Variants in LPIN1 observed in about 807,000 individuals in gnomAD.
The protein encoded by LPIN1 is lipin 1.
A neutral mutation model predicts 107.5 loss-of-function variants in LPIN1; 71 were observed. That is an observed-to-expected ratio of 0.66 (90% CI 0.55 to 0.80). LPIN1 has a LOEUF of 0.80. LPIN1 is among the 30% of genes least tolerant of loss of function. The pLI, the probability that LPIN1 is intolerant of heterozygous loss-of-function variation, is 0.00. For missense variants in LPIN1, 1,043 were observed against 1,160.6 expected (o/e 0.90, Z 1.47); for synonymous variants, 445 against 452.6 (o/e 0.98, Z 0.21).
chr2:11,725,080 T>A (rs1417256597), intron 1 of LPIN1, among the ~76,000 whole-genome samples: 1 of 151,924 alleles, frequency 6.6e-6, no homozygotes, highest in East Asian at 1.9e-4. Context: ...GCTAAAACAG[T>A]GAAATCCCAT....
intron 18 of LPIN1, 127 bp downstream of exon 18, chr2:11,815,367 G>GCAC (rs1467716495): frequency 8.3e-7 from 1 of 1,198,686 alleles, no homozygotes; most frequent in Non-Finnish European, 1.2e-6. Context: ...TCCATAGCAG[G>GCAC]CACCAGAAAA....
At chr2:11,785,164 G>A in intron 10 of LPIN1, 88 bp downstream of exon 10, 1 of 1,033,808 alleles carries the variant, frequency 9.7e-7, no homozygotes, top group Non-Finnish European at 1.4e-6. Flanking sequence ...GCGTGTCAAG[G>A]CAGCTTTTCC....
Position 11,784,957 on chromosome 2 carries a change from C to T in LPIN1, c.1430C>T (p.Ser477Leu), listed in dbSNP as rs892852912. 5 of 1,613,936 alleles carry T rather than the reference C, an allele frequency of 3.1e-6. No individual in the cohort carries two copies. The highest frequency in any genetic ancestry group is 4.2e-6 in the Non-Finnish European group (5 of 1,180,012). The change falls in exon 10 of 21, where the codon TCG becomes TTG. Residue 477 changes from serine (S) to leucine (L), a missense_variant. Coordinates refer to ENST00000674199, the MANE Select transcript of LPIN1 (RefSeq NM_001349206.2). ...GARSANQSPQ[S>L]VGSSGVDSGV... ...CGGTCAGCCAACCAGTCCCCGCAGT[C>T]GGTGGGCAGCTCGGGCGTGGACAGT... is the stretch of plus-strand genomic sequence containing the variant.
At chr2:11,726,964 C>T (rs73917106) in intron 1 of LPIN1, among the ~76,000 whole-genome samples, 5,694 of 152,264 alleles carry the variant, frequency 0.037, 359 homozygotes, top group African/African-American at 0.13. Context: ...CACAAAGGAA[C>T]GTGCCCTTTT....
At chr2:11,792,058 G>A (rs1250290880) in intron 13 of LPIN1, 52 bp downstream of exon 13, 1 of 1,475,652 alleles carries the variant, frequency 6.8e-7, no homozygotes, top group Admixed American at 1.7e-5. Context: ...TTGGTTTTGT[G>A]TAGTGAGATT....
intron 1 of LPIN1, among the ~76,000 whole-genome samples, chr2:11,729,341 T>C (rs1664968829): frequency 6.6e-6 from 1 of 152,154 alleles, no homozygotes; most frequent in South Asian, 2.1e-4. Context: ...AAAGTATAAT[T>C]TACCTTAAAA....
At chr2:11,748,394 G>A (rs1572543513) in intron 1 of LPIN1, among the ~76,000 whole-genome samples, 1 of 152,240 alleles carries the variant, frequency 6.6e-6, no homozygotes, top group South Asian at 2.1e-4. Flanking sequence ...ACCACTCACA[G>A]ATGTAGAACT....
At chr2:11,713,100 A>G (rs1399722172) in intron 1 of LPIN1, among the ~76,000 whole-genome samples, 2 of 152,170 alleles carry the variant, frequency 1.3e-5, no homozygotes, top group African/African-American at 2.4e-5. Context: ...CTGCCTTCCA[A>G]TCCCATCATT....
chr2:11,764,064 GTGT>G (rs1440364875), intron 1 of LPIN1: 1 of 81,626 alleles, frequency 1.2e-5, no homozygotes, highest in African/African-American at 6.1e-5. Flanking sequence ...ATGTGTGTGT[GTGT>G]GTGTGTGTGT....
chr2:11,687,839 A>G (rs1284648315), intron 1 of LPIN1, among the ~76,000 whole-genome samples: 1 of 152,228 alleles, frequency 6.6e-6, no homozygotes, highest in Non-Finnish European at 1.5e-5. Flanking sequence ...CTTTTATTAA[A>G]TGAGGCCATG....
intron 12 of LPIN1, among the ~76,000 whole-genome samples, chr2:11,790,826 T>C (rs540227603): frequency 3.9e-5 from 6 of 152,354 alleles, no homozygotes; most frequent in African/African-American, 1.4e-4. Flanking sequence ...TTTGGTATAT[T>C]TTAATACCCA....
Position 11,782,194 on chromosome 2 carries a change from G to C in LPIN1, c.958-7G>C. 1 of 1,610,002 alleles carries C rather than the reference G, an allele frequency of 6.2e-7. No homozygotes were observed. Among genetic ancestry groups the C allele is most frequent in the Non-Finnish European group, 8.5e-7 (1 of 1,176,506 alleles). On this transcript the variant is annotated splice_polypyrimidine_tract_variant and splice_region_variant and intron_variant, in intron 7 of 20. Transcript: ENST00000674199. Reference sequence around the variant, plus strand: ...CTCTCTCTGTCCCTCTCTCCTCTTTGCTCTAGTCTTCTTCTCCACACAAGA... The same window carrying C: ...CTCTCTCTGTCCCTCTCTCCTCTTTCCTCTAGTCTTCTTCTCCACACAAGA...
intron 1 of LPIN1, among the ~76,000 whole-genome samples, chr2:11,754,064 G>A (rs984816141): frequency 2.6e-5 from 4 of 152,168 alleles, no homozygotes; most frequent in Non-Finnish European, 4.4e-5. Flanking sequence ...AATCGTCCCT[G>A]TCAAGCCCAG....
At chr2:11,753,523 C>A (rs1315246178) in intron 1 of LPIN1, among the ~76,000 whole-genome samples, 1 of 152,234 alleles carries the variant, frequency 6.6e-6, no homozygotes, top group Non-Finnish European at 1.5e-5. Context: ...CTCAGTCAAT[C>A]CAGACCTGGC....
chr2:11,783,612 A>G (rs1446062949), intron 8 of LPIN1, among the ~76,000 whole-genome samples: 1 of 152,234 alleles, frequency 6.6e-6, no homozygotes, highest in Non-Finnish European at 1.5e-5. Flanking sequence ...CCTCAACGGT[A>G]CTGTGCCCAA....
intron 2 of LPIN1, chr2:11,713,857 T>C: frequency 2.2e-6 from 3 of 1,367,350 alleles, no homozygotes; most frequent in Non-Finnish European, 2.0e-6. Flanking sequence ...CTTTTACATT[T>C]TAAGATTAGA....
chr2:11,701,962 T>C (rs7570592), intron 1 of LPIN1, among the ~76,000 whole-genome samples: 24,181 of 152,236 alleles, frequency 0.16, 2,147 homozygotes, highest in East Asian at 0.3. Flanking sequence ...CTGACGTCAT[T>C]GTGCTCATCT....
chr2:11,695,274 G>C (rs190630898), intron 1 of LPIN1, among the ~76,000 whole-genome samples: 45 of 152,302 alleles, frequency 3.0e-4, no homozygotes, highest in African/African-American at 1.0e-3. Flanking sequence ...AAGGCTAAAA[G>C]TGCAATGGAA....
Position 11,771,459 on chromosome 2 carries a change from G to T in LPIN1, c.376G>T (p.Asp126Tyr). 6.2e-7 allele frequency: 1 copy of T among 1,614,262 alleles called. No individual in the cohort carries two copies. The highest frequency in any genetic ancestry group is 1.1e-5 in the South Asian group (1 of 91,084). ...ATGCCAGCTGAAAAGGGGCTCTGTGGACAGGATGAGAGGCCTGGACCCCAG... is the reference window on the plus strand; with the variant it reads ...ATGCCAGCTGAAAAGGGGCTCTGTGTACAGGATGAGAGGCCTGGACCCCAG... ...MECQLKRGSV[D>Y]RMRGLDPSTP... The change falls in exon 4 of 21, where the codon GAC (aspartate) becomes TAC (tyrosine). Residue 126 changes from aspartate (D) to tyrosine (Y), a missense_variant. Physicochemically the swap from Asp to Tyr is radical, Grantham distance 160. Transcript: ENST00000674199. The surrounding 1 kb of genome is among the most constrained non-coding windows in gnomAD (Gnocchi z 4.8).
Sources: allele counts gnomAD v4.1 joint callset (sites outside exome capture counted in the v4.1 genomes callset), GRCh38; gene constraint gnomAD v4.1.1; non-coding constraint Gnocchi (gnomAD v3.1); transcripts MANE v1.5; gene names NCBI Gene and HGNC (gene_info 2026-07-23, HGNC 2026-07-21).